MAGI3: variants seen among roughly 807,000 people sequenced by gnomAD.
MAGI3 encodes the protein membrane-associated guanylate kinase, WW and PDZ domain-containing protein 3.
Under a neutral mutation model 121.8 loss-of-function variants are expected in MAGI3, and 43 were observed. The observed-to-expected ratio is 0.35, with a 90% CI of 0.28 to 0.46. MAGI3 has a LOEUF of 0.46. Ranked by LOEUF, MAGI3 falls within the 20% of genes least tolerant of loss-of-function variation. The pLI is 1.00. For missense variants in MAGI3, 1,547 were observed against 1,797.3 expected (o/e 0.86, Z 2.52); for synonymous variants, 553 against 639.3 (o/e 0.86, Z 2.04).
At chr1:113,542,487 G>A (rs186013587) in intron 1 of MAGI3, among the ~76,000 whole-genome samples, 1 of 152,336 alleles carries the variant, frequency 6.6e-6, no homozygotes, top group Admixed American at 6.5e-5. Flanking sequence ...GTTAGATAAA[G>A]AGGAACTCCT....
chr1:113,562,233 G>C (rs551647399), intron 2 of MAGI3, among the ~76,000 whole-genome samples: 1 of 152,048 alleles, frequency 6.6e-6, no homozygotes, highest in East Asian at 1.9e-4. Flanking sequence ...GTGAAACCCC[G>C]TCTCTACCAA....
At chr1:113,413,554 C>T (rs769998659) in intron 1 of MAGI3, among the ~76,000 whole-genome samples, 25 of 152,000 alleles carry the variant, frequency 1.6e-4, no homozygotes, top group Non-Finnish European at 2.4e-4. Flanking sequence ...TTAATTTCAT[C>T]GAGCAGTGGT....
chr1:113,601,099 C>T (rs1199666875), intron 6 of MAGI3, among the ~76,000 whole-genome samples: 1 of 151,992 alleles, frequency 6.6e-6, no homozygotes, highest in Non-Finnish European at 1.5e-5. Flanking sequence ...AAATGTTAGA[C>T]CTAAAACCAT....
intron 1 of MAGI3, among the ~76,000 whole-genome samples, chr1:113,433,351 G>T (rs1653401775): frequency 6.6e-6 from 1 of 152,048 alleles, no homozygotes. Flanking sequence ...TTTTTCATTT[G>T]TTTGTTTTCA....
chr1:113,503,407 A>C (rs1657146185), intron 1 of MAGI3, among the ~76,000 whole-genome samples: 1 of 151,010 alleles, frequency 6.6e-6, no homozygotes, highest in Non-Finnish European at 1.5e-5. Context: ...AATATTTTTC[A>C]ATCTTCAGCT....
At chr1:113,419,907 A>G (rs772801691) in intron 1 of MAGI3, among the ~76,000 whole-genome samples, 117 of 152,222 alleles carry the variant, frequency 7.7e-4, no homozygotes, top group Non-Finnish European at 1.2e-3. Flanking sequence ...CCCTTCTTCC[A>G]TCTTCAGAGC....
intron 1 of MAGI3, among the ~76,000 whole-genome samples, chr1:113,405,374 G>T (rs1651617989): frequency 6.7e-6 from 1 of 150,238 alleles, no homozygotes; most frequent in East Asian, 2.1e-4. Context: ...AGCTACTTGG[G>T]AGGCTAAAGT....
intron 6 of MAGI3, among the ~76,000 whole-genome samples, chr1:113,606,784 C>A (rs983270390): frequency 6.6e-6 from 1 of 152,070 alleles, no homozygotes; most frequent in Non-Finnish European, 1.5e-5. Context: ...TTTGCCTGTT[C>A]CTCTCTTCTT....
intron 16 of MAGI3, among the ~76,000 whole-genome samples, chr1:113,670,048 A>C (rs1571027780): frequency 7.0e-6 from 1 of 142,074 alleles, no homozygotes; most frequent in Non-Finnish European, 1.5e-5. Context: ...CTCTACTCCC[A>C]CCCTCCCTTC....
At chr1:113,624,061 T>C (rs1245719461) in intron 9 of MAGI3, among the ~76,000 whole-genome samples, 1 of 152,246 alleles carries the variant, frequency 6.6e-6, no homozygotes, top group East Asian at 1.9e-4. Context: ...GGCTGAATAG[T>C]ACTCCATTGT....
intron 2 of MAGI3, chr1:113,576,894 G>A (rs1328957371): frequency 6.6e-6 from 1 of 152,150 alleles, no homozygotes; most frequent in Non-Finnish European, 1.5e-5. Flanking sequence ...TAAATAAACA[G>A]TGAAGTGACT....
At chr1:113,392,873 A>G (rs1046444300) in intron 1 of MAGI3, among the ~76,000 whole-genome samples, 14 of 152,340 alleles carry the variant, frequency 9.2e-5, no homozygotes, top group African/African-American at 3.1e-4. Flanking sequence ...GCAAAAGGCT[A>G]TATAGACAGC....
chr1:113,637,991 C>G (rs1356244083), intron 9 of MAGI3, among the ~76,000 whole-genome samples: 5 of 152,196 alleles, frequency 3.3e-5, no homozygotes, highest in African/African-American at 1.2e-4. Flanking sequence ...CATCTTCCAT[C>G]ACTGATACCC....
At chr1:113,462,045 A>T (rs991245826) in intron 1 of MAGI3, among the ~76,000 whole-genome samples, 1 of 151,640 alleles carries the variant, frequency 6.6e-6, no homozygotes, top group African/African-American at 2.4e-5. Context: ...CAGAATGGTT[A>T]TCATTAGTCA....
intron 2 of MAGI3, among the ~76,000 whole-genome samples, chr1:113,580,273 A>G (rs1026099842): frequency 6.6e-6 from 1 of 152,168 alleles, no homozygotes; most frequent in Non-Finnish European, 1.5e-5. Flanking sequence ...AGTAAGTAGA[A>G]TGTTTACATT....
At chr1:113,670,392 A>C (rs1331518034) in intron 16 of MAGI3, among the ~76,000 whole-genome samples, 1 of 152,244 alleles carries the variant, frequency 6.6e-6, no homozygotes, top group Admixed American at 6.5e-5. Flanking sequence ...TAAAATAGTG[A>C]TGCATGTATT....
intron 14 of MAGI3, among the ~76,000 whole-genome samples, chr1:113,651,971 A>G (rs532601773): frequency 5.9e-5 from 9 of 152,302 alleles, no homozygotes; most frequent in Admixed American, 1.3e-4. Flanking sequence ...AGTGCTTACT[A>G]TGTCCTAGAT....
intron 1 of MAGI3, among the ~76,000 whole-genome samples, chr1:113,444,676 A>G (rs1480693733): frequency 6.6e-6 from 1 of 152,240 alleles, no homozygotes. Context: ...ATTAGATTCT[A>G]GTTTTCAACA....
intron 1 of MAGI3, among the ~76,000 whole-genome samples, chr1:113,488,692 C>T (rs890801475): frequency 3.9e-5 from 6 of 152,164 alleles, no homozygotes; most frequent in Non-Finnish European, 8.8e-5. Flanking sequence ...CAGTCCGACC[C>T]CCTCCACCCA....
Sources: gnomAD v4.1 joint callset for allele counts (sites outside exome capture counted in the v4.1 genomes callset) on GRCh38, gnomAD v4.1.1 for gene constraint, MANE v1.5 for transcripts, NCBI Gene and HGNC (gene_info 2026-07-23, HGNC 2026-07-21) for gene names.